EPHA6: variants seen among roughly 807,000 people sequenced by gnomAD.
EPHA6 encodes ephrin type-A receptor 6.
Under a neutral mutation model 112.0 loss-of-function variants are expected in EPHA6, and 50 were observed. That is an observed-to-expected ratio of 0.45 (90% CI 0.36 to 0.56). The LOEUF (loss-of-function observed/expected upper bound fraction) is 0.56. Among genes scored for constraint, EPHA6 ranks in the 20% least tolerant of loss-of-function variants. The pLI, the probability that EPHA6 is intolerant of heterozygous loss-of-function variation, is 0.00. For missense variants in EPHA6, 1,280 were observed against 1,417.4 expected (o/e 0.90, Z 1.56); for synonymous variants, 529 against 490.7 (o/e 1.08, Z -1.03).
intron 6 of EPHA6, among the ~76,000 whole-genome samples, chr3:97,405,974 A>G (rs755437723): frequency 5.9e-5 from 9 of 152,092 alleles, no homozygotes; most frequent in South Asian, 2.1e-4. Context: ...TCAATATTAC[A>G]GCAGACCACA....
At chr3:97,122,567 G>A (rs2048070727) in intron 3 of EPHA6, among the ~76,000 whole-genome samples, 1 of 151,922 alleles carries the variant, frequency 6.6e-6, no homozygotes, top group African/African-American at 2.4e-5. Flanking sequence ...GGCCAATAAA[G>A]TTCTCTTGGT....
chr3:97,482,250 T>A (rs2091574300), intron 9 of EPHA6, among the ~76,000 whole-genome samples: 1 of 152,250 alleles, frequency 6.6e-6, no homozygotes, highest in Non-Finnish European at 1.5e-5. Flanking sequence ...ATGCTTGTTA[T>A]CTGTGCCTAG....
chr3:97,409,298 G>A (rs141413409), intron 6 of EPHA6, among the ~76,000 whole-genome samples: 4 of 152,100 alleles, frequency 2.6e-5, no homozygotes, highest in African/African-American at 7.2e-5. Context: ...GCCCATAGAT[G>A]GTAATTAATA....
At position 97,199,567 on chromosome 3, in the gene EPHA6, C is replaced by G. The variant is rs141773531; in HGVS notation, c.1115-26697C>G. Among the ~76,000 whole-genome samples the G allele has an allele frequency of 3.4e-3, 518 of 152,266 alleles. 2 individuals carry two copies. Among genetic ancestry groups the G allele is most frequent in the African/African-American group, 0.012 (483 of 41,588 alleles). On this transcript the variant is annotated intron_variant, in intron 3 of 17. Transcript: ENST00000389672. ...GACAGCATTTCCTGACCGATAGAGC[C>G]TTGAAATTAGAACAATGGAATCTGT...
Position 96,994,707 on chromosome 3 carries a change from G to GTGTA in EPHA6, c.1114+6716_1114+6719dup, listed in dbSNP as rs1339356450. ...TGTGTGTGTGTATGTGTGTGTGTGT[G>GTGTA]TGTATATATATATATATATATATAT... On this transcript the variant is annotated intron_variant, in intron 3 of 17. Coordinates refer to ENST00000389672, the MANE Select transcript of EPHA6 (RefSeq NM_001080448.3). Among the ~76,000 whole-genome samples, 3 of 93,330 alleles carry GTGTA rather than the reference G, an allele frequency of 3.2e-5. No homozygotes were observed. In the East Asian group the frequency reaches 1.0e-3, roughly 31 times the overall value. 61.2% of individuals were successfully genotyped at this position (93,330 alleles called of 152,430 possible).
At chr3:97,091,565 GTCA>G (rs2047067046) in intron 3 of EPHA6, among the ~76,000 whole-genome samples, 1 of 152,002 alleles carries the variant, frequency 6.6e-6, no homozygotes, top group African/African-American at 2.4e-5. Flanking sequence ...GAATGTAGAG[GTCA>G]TCATTTAATA....
At chr3:97,200,493 C>T (rs887236954) in intron 3 of EPHA6, among the ~76,000 whole-genome samples, 4 of 152,052 alleles carry the variant, frequency 2.6e-5, no homozygotes. Flanking sequence ...ATATTAAGTG[C>T]TCAGTAAATT....
intron 1 of EPHA6, among the ~76,000 whole-genome samples, chr3:96,861,310 A>G (rs1023207514): frequency 6.6e-6 from 1 of 152,128 alleles, no homozygotes; most frequent in Non-Finnish European, 1.5e-5. Flanking sequence ...TCTAAGTAAT[A>G]GCAAACTGCT....
At position 97,141,359 on chromosome 3, in the gene EPHA6, C is replaced by T. The variant is rs562147864; in HGVS notation, c.1115-84905C>T. On this transcript the variant is annotated intron_variant, in intron 3 of 17. Transcript: ENST00000389672. Reference sequence around the variant, plus strand: ...AATAGACATTTATAGAATGTTCTACCTATCAGCCGCAGAATATACGTTTTT... The same window carrying T: ...AATAGACATTTATAGAATGTTCTACTTATCAGCCGCAGAATATACGTTTTT... Among the ~76,000 whole-genome samples the T allele has an allele frequency of 5.3e-5, 8 of 152,174 alleles. No homozygotes were observed. The South Asian group carries it at 1.7e-3, about 32-fold the overall frequency.
At chr3:96,840,447 C>CCAG (rs2034673764) in intron 1 of EPHA6, among the ~76,000 whole-genome samples, 1 of 152,118 alleles carries the variant, frequency 6.6e-6, no homozygotes, top group African/African-American at 2.4e-5. Flanking sequence ...GCAAGTCTGT[C>CCAG]AGTAGTCCAA....
Position 96,987,678 on chromosome 3 carries a change from A to G in EPHA6, c.799A>G (p.Ile267Val). 1 of 1,606,652 alleles carries G rather than the reference A, an allele frequency of 6.2e-7. No individual in the cohort carries two copies. The highest frequency in any genetic ancestry group is 1.1e-5 in the South Asian group (1 of 90,538). The change falls in exon 3 of 18, where the codon ATT becomes GTT. Residue 267 changes from isoleucine to valine, a missense_variant. By Grantham distance (29) the Ile-to-Val change is conservative (BLOSUM62 3). Around this residue, in one of 4 missense-constraint regions of EPHA6, gnomAD observed 878 missense variants for 999.7 expected, o/e 0.88. Transcript: ENST00000389672. ...TCGCATCCTCAAACTCAACACTGAA[A>G]TTCGTGAGGTGGGGCCTATAGAAAG... ...GDRILKLNTE[I>V]REVGPIERKG...
chr3:97,518,600 C>T (rs1200699270), intron 10 of EPHA6, among the ~76,000 whole-genome samples: 1 of 151,688 alleles, frequency 6.6e-6, no homozygotes, highest in African/African-American at 2.4e-5. Flanking sequence ...TTCCCATCAA[C>T]AGTGTATAAG....
At chr3:97,374,714 G>C (rs1360383353) in intron 5 of EPHA6, among the ~76,000 whole-genome samples, 1 of 151,926 alleles carries the variant, frequency 6.6e-6, no homozygotes, top group South Asian at 2.1e-4. Flanking sequence ...CCATCTTTAT[G>C]CCCATGTGTA....
chr3:97,105,975 G>A (rs1293191293), intron 3 of EPHA6, among the ~76,000 whole-genome samples: 1 of 152,014 alleles, frequency 6.6e-6, no homozygotes, highest in Non-Finnish European at 1.5e-5. Context: ...TGCAACCCCT[G>A]CTTTTTTCTG....
chr3:97,070,267 C>T (rs558112190), intron 3 of EPHA6, among the ~76,000 whole-genome samples: 37 of 152,106 alleles, frequency 2.4e-4, no homozygotes, highest in Non-Finnish European at 4.7e-4. Flanking sequence ...GTACTGAGTG[C>T]CTGGAACATA....
intron 2 of EPHA6, among the ~76,000 whole-genome samples, chr3:96,907,815 C>A (rs182349839): frequency 8.6e-5 from 13 of 151,870 alleles, no homozygotes; most frequent in Non-Finnish European, 1.5e-5. Flanking sequence ...GTTCATAGTA[C>A]CCTTCAAATA....
chr3:97,465,436 G>A (rs1368398110), intron 7 of EPHA6, among the ~76,000 whole-genome samples: 1 of 152,048 alleles, frequency 6.6e-6, no homozygotes, highest in African/African-American at 2.4e-5. Flanking sequence ...TAATTGAAGA[G>A]ATGCTGAAAA....
chr3:97,239,113 G>A (rs762833719), intron 4 of EPHA6, among the ~76,000 whole-genome samples: 8 of 151,790 alleles, frequency 5.3e-5, no homozygotes, highest in East Asian at 3.9e-4. Flanking sequence ...GAAGCAATCC[G>A]TTTTGCCATA....
chr3:97,002,775 T>G (rs1224188557), intron 3 of EPHA6, among the ~76,000 whole-genome samples: 1 of 152,010 alleles, frequency 6.6e-6, no homozygotes, highest in East Asian at 1.9e-4. Context: ...CATTTTTGTA[T>G]AAAATAACAA....
Sources: allele counts gnomAD v4.1 joint callset (sites outside exome capture counted in the v4.1 genomes callset), GRCh38; gene constraint gnomAD v4.1.1; regional missense constraint gnomAD v4.1.1; transcripts MANE v1.5; gene names NCBI Gene and HGNC (gene_info 2026-07-23, HGNC 2026-07-21).